Variants in RAD54L observed in about 807,000 individuals in gnomAD.
RAD54L encodes the protein RAD54 like.
In RAD54L, 74 loss-of-function variants were observed where a neutral mutation model predicts 91.6. The ratio of observed to expected loss-of-function variants is 0.81; its 90% confidence interval spans 0.67 to 0.98. The LOEUF is 0.98. Ranked by LOEUF, RAD54L falls within the 50% of genes least tolerant of loss-of-function variation. The pLI is 0.00. For missense variants in RAD54L, 887 were observed against 945.7 expected (o/e 0.94, Z 0.81); for synonymous variants, 304 against 349.7 (o/e 0.87, Z 1.46).
At chr1:46,248,439 A>G (rs1342346645) in intron 1 of RAD54L, 31 bp downstream of exon 1, 2 of 1,613,988 alleles carry the variant, frequency 1.2e-6, no homozygotes, top group African/African-American at 2.7e-5. Context: ...GACTGGGAAT[A>G]GCCCTGGGTC....
At chr1:46,261,203 T>G in intron 7 of RAD54L, 58 bp from the exon 8 acceptor site, 7 of 1,571,178 alleles carry the variant, frequency 4.5e-6, no homozygotes, top group Non-Finnish European at 6.1e-6. Flanking sequence ...TTGTTTTTTT[T>G]GTTTTTTTTT....
At chr1:46,253,248 A>C (rs903279124) in intron 3 of RAD54L, among the ~76,000 whole-genome samples, 5 of 152,200 alleles carry the variant, frequency 3.3e-5, no homozygotes, top group African/African-American at 1.2e-4. Context: ...TATAAAATTG[A>C]AGTGCTGAAA....
At chr1:46,266,304 T>A (rs1384026915) in intron 8 of RAD54L, among the ~76,000 whole-genome samples, 1 of 152,208 alleles carries the variant, frequency 6.6e-6, no homozygotes, top group Non-Finnish European at 1.5e-5. Context: ...AGCTTGGACT[T>A]GATGCTATAG....
rs878951694 is a variant in RAD54L, at chr1:46,272,643, T to G, written c.1245-29T>G. ...CAGAGGGCAGGAGGGTGGTCTAGCTTTTTCCACTGACCCAGCTGCCTTTTT... is the reference window on the plus strand; with the variant it reads ...CAGAGGGCAGGAGGGTGGTCTAGCTGTTTCCACTGACCCAGCTGCCTTTTT... On this transcript the variant is annotated intron_variant, in intron 11 of 17. Transcript: ENST00000371975. 5 of 1,614,092 alleles carry G rather than the reference T, an allele frequency of 3.1e-6. 1 individual carries two copies. The South Asian group carries it at 4.4e-5, about 14-fold the overall frequency.
At chr1:46,273,332 G>A (rs745766231) in intron 12 of RAD54L, 23 bp from the exon 13 acceptor site, 2 of 1,571,046 alleles carry the variant, frequency 1.3e-6, no homozygotes, top group East Asian at 4.5e-5. Context: ...AAAGTATCTG[G>A]GTTTTGTTTT....
At chr1:46,271,651 C>A (rs1379939114) in intron 10 of RAD54L, among the ~76,000 whole-genome samples, 3 of 151,062 alleles carry the variant, frequency 2.0e-5, no homozygotes, top group African/African-American at 7.3e-5. Flanking sequence ...AGCAAGACTC[C>A]GTCTCAAAAA....
intron 17 of RAD54L, 26 bp downstream of exon 17, chr1:46,278,006 T>C (rs1660668016): frequency 6.2e-7 from 1 of 1,614,064 alleles, no homozygotes; most frequent in South Asian, 1.1e-5. Context: ...AACCATTATC[T>C]CTAAGCTACC....
intron 10 of RAD54L, among the ~76,000 whole-genome samples, chr1:46,272,186 G>T (rs569823752): frequency 1.1e-3 from 169 of 151,836 alleles, no homozygotes; most frequent in African/African-American, 4.0e-3. Context: ...GGGTTTACAG[G>T]TGCCTGCCAC....
Position 46,272,755 on chromosome 1 carries a change from G to A in RAD54L, c.1328G>A (p.Ser443Asn), listed in dbSNP as rs1477132296. The A allele has an allele frequency of 6.2e-7, 1 of 1,614,188 alleles. No individual in the cohort carries two copies. The highest frequency in any genetic ancestry group is 8.5e-7 in the Non-Finnish European group (1 of 1,180,024). The change falls in exon 12 of 18, where the codon AGT becomes AAT. Residue 443 changes from serine (S) to asparagine (N), a missense_variant. By Grantham distance (46) the Ser-to-Asn change is conservative. Coordinates refer to ENST00000371975, the MANE Select transcript of RAD54L (RefSeq NM_003579.4). ...PAEELLEGKM[S>N]VSSLSSITSL... ...GAAGAATTGCTTGAGGGCAAGATGAGTGTGTCTTCCCTTTCTTCCATCACC... is the reference window on the plus strand; with the variant it reads ...GAAGAATTGCTTGAGGGCAAGATGAATGTGTCTTCCCTTTCTTCCATCACC...
chr1:46,259,775 C>CAA (rs368127843), intron 4 of RAD54L, among the ~76,000 whole-genome samples, 189 bp from the exon 5 acceptor site: 3 of 103,652 alleles, frequency 2.9e-5, no homozygotes, highest in Admixed American at 1.0e-4. Context: ...GACTCCATCT[C>CAA]AAAAAAAAAA....
intron 8 of RAD54L, among the ~76,000 whole-genome samples, chr1:46,264,374 C>T (rs909921195): frequency 2.6e-5 from 4 of 152,188 alleles, no homozygotes; most frequent in Non-Finnish European, 5.9e-5. Context: ...TCTCAGCTCC[C>T]ACAGCATCTT....
At chr1:46,249,240 G>A (rs1659735426) in intron 2 of RAD54L, among the ~76,000 whole-genome samples, 2 of 152,228 alleles carry the variant, frequency 1.3e-5, no homozygotes, top group African/African-American at 4.8e-5. Context: ...AGGACTAGAA[G>A]GCACTTTTTG....
chr1:46,267,803 A>G, intron 9 of RAD54L, 194 bp downstream of exon 9: 1 of 742,500 alleles, frequency 1.3e-6, no homozygotes, highest in Non-Finnish European at 2.2e-6. Flanking sequence ...AACTCAGCAA[A>G]GCCCATGTTG....
chr1:46,254,591 T>C (rs1205080566), intron 3 of RAD54L, among the ~76,000 whole-genome samples: 1 of 151,258 alleles, frequency 6.6e-6, no homozygotes, highest in Non-Finnish European at 1.5e-5. Flanking sequence ...GACTTTTTTT[T>C]TTTTTTTTTT....
chr1:46,277,998 CCATT>C lies in RAD54L; in HGVS notation c.2033+19_2033+22del, dbSNP rs1660667396. 1 of 1,614,052 alleles carries C rather than the reference CCATT, an allele frequency of 6.2e-7. No individual in the cohort carries two copies. The highest frequency in any genetic ancestry group is 1.1e-5 in the South Asian group (1 of 91,090). On this transcript the variant is annotated intron_variant, in intron 17 of 17. Transcript: ENST00000371975. ...CATGACAGGTGGGGAAGTGCCCTAA[CCATT>C]ATCTCTAAGCTACCCACACAGTAGG...
intron 2 of RAD54L, among the ~76,000 whole-genome samples, 167 bp from the exon 3 acceptor site, chr1:46,249,833 A>AATC (rs1427156724): frequency 2.0e-5 from 3 of 152,224 alleles, no homozygotes; most frequent in African/African-American, 7.2e-5. Context: ...CTCTTAAATA[A>AATC]GGATAATAAC....
At chr1:46,274,117 G>T (rs1353681027) in intron 14 of RAD54L, 21 bp from the exon 15 acceptor site, 4 of 1,592,926 alleles carry the variant, frequency 2.5e-6, no homozygotes, top group East Asian at 4.5e-5. Context: ...TTATTTTCTT[G>T]GGTCTCGAAT....
At position 46,270,647 on chromosome 1, in the gene RAD54L, T is replaced by C; in HGVS notation, c.1043-12T>C. Reference sequence around the variant, plus strand: ...TCCACATTCTTCTGTTTTCCTTCTCTCCTGTGTTTAGGGACTGCCCATGAA... The same window carrying C: ...TCCACATTCTTCTGTTTTCCTTCTCCCCTGTGTTTAGGGACTGCCCATGAA... On this transcript the variant is annotated splice_polypyrimidine_tract_variant and intron_variant, in intron 9 of 17. Transcript: ENST00000371975. 1 of 1,612,500 alleles carries C rather than the reference T, an allele frequency of 6.2e-7. No individual in the cohort carries two copies. The highest frequency in any genetic ancestry group is 1.3e-5 in the African/African-American group (1 of 75,020).
chr1:46,265,295 C>T lies in RAD54L; in HGVS notation c.892-2164C>T, dbSNP rs919007992. On this transcript the variant is annotated intron_variant, in intron 8 of 17. Coordinates refer to ENST00000371975, the MANE Select transcript of RAD54L (RefSeq NM_003579.4). The surrounding 1 kb of genome is among the most constrained non-coding windows in gnomAD (Gnocchi z 4.8). ...GTCAGGATTTCAAGACTAGCCTGGC[C>T]AACATGGTGAAACCCTGTTTCTACT... Among the ~76,000 whole-genome samples the T allele has an allele frequency of 6.6e-6, 1 of 152,088 alleles. No individual in the cohort carries two copies. Among genetic ancestry groups the T allele is most frequent in the Non-Finnish European group, 1.5e-5 (1 of 68,010 alleles).
Sources: allele counts gnomAD v4.1 joint callset (sites outside exome capture counted in the v4.1 genomes callset), GRCh38; gene constraint gnomAD v4.1.1; non-coding constraint Gnocchi (gnomAD v3.1); transcripts MANE v1.5; gene names NCBI Gene and HGNC (gene_info 2026-07-23, HGNC 2026-07-21).